The following BPIFB2 variants were observed in gnomAD, a reference collection of about 807,000 sequenced individuals.
BPIFB2 encodes the protein BPI fold-containing family B member 2.
In BPIFB2, 39 loss-of-function variants were observed where a neutral mutation model predicts 50.1. That is an observed-to-expected ratio of 0.78 (90% confidence interval 0.60 to 1.02). The LOEUF is 1.02. BPIFB2 is among the 50% of genes least tolerant of loss of function. The probability of loss-of-function intolerance (pLI) is 0.00; values close to 1 mark genes in which losing one functional copy is unlikely to be tolerated. For missense variants in BPIFB2, 574 were observed against 585.8 expected, an observed-to-expected ratio of 0.98 and a Z score of 0.21; for synonymous variants, 280 against 256.3, an observed-to-expected ratio of 1.09 and a Z score of -0.88.
At chr20:33,008,396 A>C in intron 1 of BPIFB2, 145 bp from the exon 2 acceptor site, 1 of 556,486 alleles carries the variant, frequency 1.8e-6, no homozygotes. Context: ...TTCCCAATGC[A>C]GAGATGCAAA....
At chr20:33,018,446 G>A (rs1978515875) in intron 8 of BPIFB2, 96 bp downstream of exon 8, 1 of 1,334,056 alleles carries the variant, frequency 7.5e-7, no homozygotes, top group South Asian at 1.3e-5. Flanking sequence ...GAGTGGGAAA[G>A]GAGAGGAGGA....
Position 33,018,762 on chromosome 20 carries a change from C to T in BPIFB2, c.795C>T (p.Asp265=). Reference sequence around the variant, plus strand: ...TGGGCCTCTCCCAGCAGCTGTTTGACTCTGCGCTCCTGCTGCTGCAGAAGG... The same window carrying T: ...TGGGCCTCTCCCAGCAGCTGTTTGATTCTGCGCTCCTGCTGCTGCAGAAGG... The part of the protein sequence containing the change: ...ATVGLSQQLF[D]SALLLLQKAG... The change falls in exon 9 of 16, where the codon GAC becomes GAT. Residue 265 remains aspartate, a synonymous_variant. Coordinates refer to ENST00000170150, the MANE Select transcript of BPIFB2 (RefSeq NM_025227.3). 1 of 1,614,214 alleles carries T rather than the reference C, an allele frequency of 6.2e-7. No homozygotes were observed. Among genetic ancestry groups the T allele is most frequent in the Non-Finnish European group, 8.5e-7 (1 of 1,180,040 alleles).
At chr20:33,011,241 C>T (rs912601086) in intron 3 of BPIFB2, 124 bp downstream of exon 3, 17 of 860,564 alleles carry the variant, frequency 2.0e-5, no homozygotes, top group Admixed American at 1.5e-4. Flanking sequence ...CTCCTATCCA[C>T]GGGGCAAAGT....
Position 33,017,052 on chromosome 20 carries a change from G to A in BPIFB2, c.527G>A (p.Ser176Asn). The A allele has an allele frequency of 1.2e-6, 2 of 1,614,060 alleles. No homozygotes were observed. The highest frequency in any genetic ancestry group is 1.7e-6 in the Non-Finnish European group (2 of 1,179,956). ...KAVLSNKLCL[S>N]ISNLVQGVNV... is the part of the protein sequence containing the mutation. ...TCTGTCTTACCACAGCTGTGCCTGA[G>A]CATCTCCAACCTGGTGCAGGGTGTC... is the stretch of plus-strand genomic sequence containing the variant. The change falls in exon 7 of 16, where the codon AGC (serine) becomes AAC (asparagine). Residue 176 changes from serine to asparagine, a missense_variant. Coordinates refer to ENST00000170150, the MANE Select transcript of BPIFB2 (RefSeq NM_025227.3).
At chr20:33,011,827 A>C (rs1600511038) in intron 3 of BPIFB2, among the ~76,000 whole-genome samples, 1 of 152,124 alleles carries the variant, frequency 6.6e-6, no homozygotes, top group East Asian at 1.9e-4. Flanking sequence ...AAAAATACAA[A>C]AATTAGCTGG....
At chr20:33,018,219 A>T in intron 7 of BPIFB2, 40 bp from the exon 8 acceptor site, 1 of 1,481,376 alleles carries the variant, frequency 6.8e-7, no homozygotes, top group Non-Finnish European at 9.4e-7. Flanking sequence ...GAGCAGTGCT[A>T]AATATGCCAT....
At chr20:33,022,870 T>C (rs1978726073) in intron 15 of BPIFB2, among the ~76,000 whole-genome samples, 1 of 152,230 alleles carries the variant, frequency 6.6e-6, no homozygotes, top group Admixed American at 6.5e-5. Context: ...TGGCTTGTTC[T>C]CTGCTGGCTC....
chr20:33,010,710 G>T (rs1224102461), intron 2 of BPIFB2, among the ~76,000 whole-genome samples: 1 of 152,106 alleles, frequency 6.6e-6, no homozygotes, highest in Non-Finnish European at 1.5e-5. Flanking sequence ...TCCCAGAGGA[G>T]ATGGGATCTG....
At chr20:33,013,041 C>T in intron 4 of BPIFB2, 134 bp downstream of exon 4, 2 of 680,324 alleles carry the variant, frequency 2.9e-6, no homozygotes, top group Non-Finnish European at 5.1e-6. Flanking sequence ...GTTGCTCTCT[C>T]TCCCCTCACG....
chr20:33,015,569 A>T, intron 6 of BPIFB2, 73 bp downstream of exon 6: 16 of 1,258,032 alleles, frequency 1.3e-5, no homozygotes, highest in Non-Finnish European at 1.7e-5. Flanking sequence ...AAAGAGTGGG[A>T]TTTCAGGCAG....
chr20:33,013,282 C>T (rs904363950), intron 4 of BPIFB2, among the ~76,000 whole-genome samples: 3 of 152,136 alleles, frequency 2.0e-5, no homozygotes, highest in Admixed American at 6.5e-5. Context: ...ATAAGCATAA[C>T]GATCAGAGTT....
intron 4 of BPIFB2, among the ~76,000 whole-genome samples, 189 bp downstream of exon 4, chr20:33,013,096 T>C (rs984200898): frequency 1.3e-5 from 2 of 152,122 alleles, no homozygotes; most frequent in Non-Finnish European, 2.9e-5. Context: ...AGAACCCTGC[T>C]CAACAGCTCT....
rs61734342 is a variant in BPIFB2 at position 33,019,063 on chromosome 20, G to T, written c.857G>T (p.Arg286Met). The T allele has an allele frequency of 1.4e-4, 225 of 1,614,068 alleles. No individual in the cohort carries two copies. The highest frequency in any genetic ancestry group is 9.9e-4 in the Middle Eastern group (6 of 6,084). Residue 286 changes from arginine to methionine, a missense_variant and splice_region_variant, in exon 10 of 16, where the codon AGG (arginine) becomes ATG (methionine). Physicochemically the swap from Arg to Met is moderately conservative, Grantham distance 91. Transcript: ENST00000170150. ...ALNLDITGQL[R>M]SDDNLLNTSA... Reference sequence around the variant, plus strand: ...TGTGGCCTGGGGTGCTGATTTCAGAGGTCGGATGACAACCTGCTGAACACC... The same window carrying T: ...TGTGGCCTGGGGTGCTGATTTCAGATGTCGGATGACAACCTGCTGAACACC...
At position 33,023,658 on chromosome 20, in the gene BPIFB2, G is replaced by A. The variant is rs764570417; in HGVS notation, c.*275G>A. The A allele has an allele frequency of 3.6e-6, 2 of 554,584 alleles. No homozygotes were observed. Among genetic ancestry groups the A allele is most frequent in the East Asian group, 3.1e-5 (1 of 32,604 alleles). The allele number at this position is 554,584 out of a possible 1,614,324, so 34.4% of individuals were successfully genotyped here. A position where few individuals can be genotyped will look rare whatever the true frequency, so the allele number is the denominator to read the frequency against. ...GGGGAGCAGACTGCTCCTCCAGGCT[G>A]TATAGACCTGCCCTCTTGCATTAAA... is the stretch of plus-strand genomic sequence containing the variant. On this transcript the variant is annotated 3_prime_UTR_variant, in exon 16 of 16. Coordinates refer to ENST00000170150, the MANE Select transcript of BPIFB2 (RefSeq NM_025227.3).
chr20:33,023,665 C>T lies in BPIFB2; in HGVS notation c.*282C>T, dbSNP rs1978768737. The stretch of plus-strand genomic sequence containing the variant: ...AGACTGCTCCTCCAGGCTGTATAGA[C>T]CTGCCCTCTTGCATTAAACAACTTC... On this transcript the variant is annotated 3_prime_UTR_variant, in exon 16 of 16. Transcript: ENST00000170150. 2 of 539,154 alleles carry T rather than the reference C, an allele frequency of 3.7e-6. No homozygotes were observed. Among genetic ancestry groups the T allele is most frequent in the South Asian group, 2.2e-5 (1 of 45,638 alleles). 33.4% of individuals were successfully genotyped at this position (539,154 alleles called of 1,614,324 possible).
intron 7 of BPIFB2, 149 bp from the exon 8 acceptor site, chr20:33,018,110 T>A: frequency 3.3e-6 from 2 of 609,098 alleles, no homozygotes; most frequent in Non-Finnish European, 2.8e-6. Context: ...ATTTGCTTAT[T>A]CAGAGGCTTG....
chr20:33,008,923 G>C (rs907029472), intron 2 of BPIFB2, among the ~76,000 whole-genome samples: 1 of 152,198 alleles, frequency 6.6e-6, no homozygotes, highest in Non-Finnish European at 1.5e-5. Flanking sequence ...CATGTGACTT[G>C]CTCACATGCT....
chr20:33,014,627 C>T (rs892915468), intron 5 of BPIFB2, among the ~76,000 whole-genome samples: 24 of 152,224 alleles, frequency 1.6e-4, no homozygotes, highest in African/African-American at 4.6e-4. Context: ...TCCCCCTAGA[C>T]GATGTCTGCA....
chr20:33,020,585 G>C lies in BPIFB2; in HGVS notation c.1192G>C (p.Asp398His), dbSNP rs142489288. 2.6e-5 allele frequency: 42 copies of C among 1,608,184 alleles called. No homozygotes were observed. The African/African-American group carries it at 5.6e-4, about 21-fold the overall frequency. ...GGCCTCCTCCAACGTGGGCTTCATT[G>C]ATGTGAGTGTGGGGCTGGGGCCTCT... is the stretch of plus-strand genomic sequence containing the variant. ...TVASSNVGFI[D>H]TDQVRTLMGT... The change falls in exon 13 of 16, where the codon GAT (aspartate) becomes CAT (histidine). Residue 398 changes from aspartate (D) to histidine (H), a missense_variant and splice_region_variant. Coordinates refer to ENST00000170150, the MANE Select transcript of BPIFB2 (RefSeq NM_025227.3).
Sources: gnomAD v4.1 joint callset for allele counts (sites outside exome capture counted in the v4.1 genomes callset) on GRCh38, gnomAD v4.1.1 for gene constraint, MANE v1.5 for transcripts, NCBI Gene and HGNC (gene_info 2026-07-23, HGNC 2026-07-21) for gene names.